The following IL3RA variants were observed in gnomAD, a reference collection of about 807,000 sequenced individuals.
The protein encoded by IL3RA is interleukin 3 receptor subunit alpha.
IL3RA carries 73 observed loss-of-function variants against 52.3 expected under a neutral mutation model. The ratio of observed to expected loss-of-function variants is 1.40; its 90% CI spans 1.16 to 1.70. IL3RA has a LOEUF of 1.70. IL3RA is among the 40% of genes most tolerant of loss of function. IL3RA has a pLI of 0.00. For synonymous variants in IL3RA, 260 were observed against 194.0 expected, an observed-to-expected ratio of 1.34 and a Z score of -2.83; for missense variants, 664 against 504.4, an observed-to-expected ratio of 1.32 and a Z score of -3.03.
At chrX:1,365,673 G>C (rs866121440) in intron 9 of IL3RA, among the ~76,000 whole-genome samples, 11 of 28,250 alleles carry the variant, frequency 3.9e-4, no homozygotes, top group East Asian at 9.2e-4. Flanking sequence ...CGGGGTGAGC[G>C]GGGTGCGCGG....
intron 3 of IL3RA, among the ~76,000 whole-genome samples, chrX:1,346,126 A>C (rs1487431847): frequency 6.6e-6 from 1 of 151,586 alleles, no homozygotes; most frequent in Admixed American, 6.6e-5. Context: ...CAGTCTGGCC[A>C]ACACGGTGAA....
intron 7 of IL3RA, among the ~76,000 whole-genome samples, chrX:1,356,750 C>T (rs1330167961): frequency 1.0e-4 from 15 of 148,276 alleles, no homozygotes; most frequent in African/African-American, 3.7e-4. Context: ...CCAGCCTGGG[C>T]GACAGAGCGA....
intron 3 of IL3RA, 118 bp downstream of exon 3, chrX:1,345,552 C>T: frequency 6.8e-6 from 4 of 584,778 alleles, no homozygotes; most frequent in Non-Finnish European, 1.1e-5. Flanking sequence ...TGCGGTGACC[C>T]GATCTCCGCT....
At chrX:1,380,035 C>G (rs763410149) in intron 10 of IL3RA, among the ~76,000 whole-genome samples, 112 of 152,204 alleles carry the variant, frequency 7.4e-4, no homozygotes, top group Admixed American at 7.1e-3. Context: ...GCTGGGATGA[C>G]AGGCGTGAGC....
intron 9 of IL3RA, among the ~76,000 whole-genome samples, chrX:1,374,067 T>TG (rs2088636223): frequency 2.3e-5 from 1 of 43,326 alleles, no homozygotes; most frequent in Non-Finnish European, 3.6e-5. Flanking sequence ...GACGACCCTG[T>TG]GGGACACAGG....
intron 8 of IL3RA, among the ~76,000 whole-genome samples, chrX:1,360,289 TCTCCCCCTCTCCCTGTC>T (rs1569524573): frequency 4.4e-5 from 1 of 22,494 alleles, no homozygotes; most frequent in Non-Finnish European, 9.3e-5. Context: ...CTGGTCTCTA[TCTCCCCCTCTCCCTGTC>T]TCTCTGTGTC....
chrX:1,339,050 G>C (rs2085395922), intron 1 of IL3RA, among the ~76,000 whole-genome samples: 1 of 152,088 alleles, frequency 6.6e-6, no homozygotes, highest in African/African-American at 2.4e-5. Context: ...ATGTTGGTCA[G>C]GCTGGTCTCG....
intron 9 of IL3RA, among the ~76,000 whole-genome samples, chrX:1,366,458 C>A (rs866910414): frequency 8.5e-5 from 3 of 35,446 alleles, no homozygotes; most frequent in Admixed American, 3.0e-4. Context: ...GAGCCGGGTG[C>A]GCGGGGTGAG....
chrX:1,357,539 T>A (rs1316040852), intron 7 of IL3RA, among the ~76,000 whole-genome samples: 2 of 151,340 alleles, frequency 1.3e-5, no homozygotes, highest in African/African-American at 4.8e-5. Flanking sequence ...TTTTTTTGTA[T>A]TTTTAGTAGA....
chrX:1,354,735 G>T (rs1366960522), intron 6 of IL3RA, among the ~76,000 whole-genome samples: 5 of 124,120 alleles, frequency 4.0e-5, no homozygotes, highest in African/African-American at 1.6e-4. Flanking sequence ...GGGGGAGGAG[G>T]TGGAGATGGG....
chrX:1,339,186 G>A (rs867037526), intron 1 of IL3RA, among the ~76,000 whole-genome samples: 1 of 152,088 alleles, frequency 6.6e-6, no homozygotes, highest in African/African-American at 2.4e-5. Flanking sequence ...ATTTCCCAAC[G>A]TTCTGACTCA....
intron 9 of IL3RA, among the ~76,000 whole-genome samples, chrX:1,367,563 C>A (rs867369077): frequency 2.8e-5 from 2 of 70,874 alleles, no homozygotes; most frequent in African/African-American, 1.4e-4. Context: ...GCGCGGGGTG[C>A]GCCGGGTGCG....
chrX:1,338,790 C>G (rs1401853785), intron 1 of IL3RA, among the ~76,000 whole-genome samples: 1 of 149,744 alleles, frequency 6.7e-6, no homozygotes, highest in African/African-American at 2.5e-5. Flanking sequence ...TGACAATGTT[C>G]TAGAAGATAG....
intron 8 of IL3RA, among the ~76,000 whole-genome samples, chrX:1,364,563 T>C (rs1249700845): frequency 6.6e-6 from 1 of 151,842 alleles, no homozygotes; most frequent in Non-Finnish European, 1.5e-5. Context: ...CTCAAACTCC[T>C]AAGCTCGAGG....
In IL3RA at chrX:1,348,909, C is replaced by CCCTT. The variant is rs1196870113; in HGVS notation, c.298+374_298+377dup. ...GTTTTCTTTTCCTCCCTGCCTCACT[C>CCCTT]CCTTCCTTCCTTCTCTCCCTCCTCT... On this transcript the variant is annotated intron_variant, in intron 4 of 11. Transcript: ENST00000331035. Among the ~76,000 whole-genome samples the CCCTT allele has an allele frequency of 2.1e-5, 3 of 144,536 alleles. No individual in the cohort carries two copies. The Admixed American group carries it at 2.1e-4, about 10-fold the overall frequency. The allele number at this position is 144,536 out of a possible 152,430, so 94.8% of individuals were successfully genotyped here. A position where few individuals can be genotyped will look rare whatever the true frequency, so the allele number is the denominator to read the frequency against.
chrX:1,346,393 T>C (rs1301184898), intron 3 of IL3RA, among the ~76,000 whole-genome samples: 24 of 151,764 alleles, frequency 1.6e-4, no homozygotes, highest in Non-Finnish European at 1.5e-5. Flanking sequence ...GAGCCGAGAC[T>C]GTGCCACTGC....
chrX:1,367,746 G>A (rs1362236418), intron 9 of IL3RA, among the ~76,000 whole-genome samples: 4 of 125,782 alleles, frequency 3.2e-5, no homozygotes, highest in Admixed American at 3.2e-4. Flanking sequence ...CGGGGTGCGC[G>A]GGGTGAGCGG....
At chrX:1,382,025 A>AAG (rs1431231897) in intron 11 of IL3RA, among the ~76,000 whole-genome samples, 1 of 146,258 alleles carries the variant, frequency 6.8e-6, no homozygotes, top group Non-Finnish European at 1.5e-5. Context: ...GCTCACTGCA[A>AAG]CCTCCACCTT....
chrX:1,348,338 A>C (rs1475045024), intron 3 of IL3RA, 93 bp from the exon 4 acceptor site: 3 of 976,898 alleles, frequency 3.1e-6, no homozygotes, highest in African/African-American at 1.6e-5. Context: ...GGGCGACGAG[A>C]GCGAAACTCT....
Sources: allele counts gnomAD v4.1 joint callset (sites outside exome capture counted in the v4.1 genomes callset), GRCh38; gene constraint gnomAD v4.1.1; transcripts MANE v1.5; gene names NCBI Gene and HGNC (gene_info 2026-07-23, HGNC 2026-07-21).